IGF2BP3: variants seen among roughly 807,000 people sequenced by gnomAD.
The protein encoded by IGF2BP3 is insulin-like growth factor 2 mRNA-binding protein 3.
IGF2BP3 carries 9 observed loss-of-function variants against 73.8 expected under a neutral mutation model. That is an observed-to-expected ratio of 0.12 (90% CI 0.07 to 0.21). IGF2BP3 has a LOEUF of 0.21. IGF2BP3 is among the 10% of genes least tolerant of loss of function. IGF2BP3 has a pLI of 1.00. For synonymous variants in IGF2BP3, 258 were observed against 256.7 expected, an observed-to-expected ratio of 1.01 and a Z score of -0.05; for missense variants, 542 against 714.0, an observed-to-expected ratio of 0.76 and a Z score of 2.75.
chr7:23,459,486 A>G (rs985324178), intron 2 of IGF2BP3, among the ~76,000 whole-genome samples: 1 of 152,198 alleles, frequency 6.6e-6, no homozygotes, highest in Non-Finnish European at 1.5e-5. Flanking sequence ...CGTTTTGGCC[A>G]ACAGTTTCAA....
intron 2 of IGF2BP3, among the ~76,000 whole-genome samples, chr7:23,460,787 TA>T (rs1788432968): frequency 6.6e-6 from 1 of 151,986 alleles, no homozygotes; most frequent in African/African-American, 2.4e-5. Flanking sequence ...CTGCCTCTAC[TA>T]AAAACTACAA....
At chr7:23,433,297 C>T (rs1303283016) in intron 2 of IGF2BP3, among the ~76,000 whole-genome samples, 1 of 152,074 alleles carries the variant, frequency 6.6e-6, no homozygotes. Context: ...TCTTAAGCTG[C>T]TCTGTCCAAT....
chr7:23,414,239 C>T (rs954838956), intron 3 of IGF2BP3: 3 of 152,152 alleles, frequency 2.0e-5, no homozygotes, highest in African/African-American at 7.2e-5. Context: ...GCTTTATCAT[C>T]ATCTAAAACT....
At chr7:23,462,418 G>C (rs1187755068) in intron 2 of IGF2BP3, among the ~76,000 whole-genome samples, 1 of 150,004 alleles carries the variant, frequency 6.7e-6, no homozygotes, top group African/African-American at 2.5e-5. Context: ...CTGGAGTGCA[G>C]TAGCGCGATC....
intron 2 of IGF2BP3, among the ~76,000 whole-genome samples, chr7:23,448,971 T>C (rs1169137670): frequency 1.3e-5 from 2 of 152,238 alleles, no homozygotes; most frequent in Non-Finnish European, 2.9e-5. Context: ...AGCAATCCTC[T>C]GGGCTGCAGT....
intron 2 of IGF2BP3, among the ~76,000 whole-genome samples, chr7:23,431,761 C>A (rs890823096): frequency 6.6e-6 from 1 of 152,140 alleles, no homozygotes; most frequent in Admixed American, 6.5e-5. Context: ...GATTCCAGGG[C>A]CCCAAAACAG....
rs111828897 is a variant in IGF2BP3 at position 23,318,395 on chromosome 7, C to CTT, written c.1321-684_1321-683dup. 4.9e-4 allele frequency among the ~76,000 whole-genome samples: 73 copies of CTT among 148,848 alleles called. No homozygotes were observed. In the Middle Eastern group the frequency reaches 0.01, roughly 21 times the overall value. ...GTGCCACCATGCCTGGCTAATTACA[C>CTT]TTTTTTTTTTGTAGAGATGGGGTCT... On this transcript the variant is annotated intron_variant, in intron 11 of 14. Transcript: ENST00000258729.
chr7:23,368,304 A>AAGAGAGAAAGAG (rs1224665487), intron 3 of IGF2BP3, among the ~76,000 whole-genome samples: 1 of 148,694 alleles, frequency 6.7e-6, no homozygotes, highest in Non-Finnish European at 1.5e-5. Context: ...CGAAGACAGA[A>AAGAGAGAAAGAG]AGAGAGAAAG....
intron 3 of IGF2BP3, among the ~76,000 whole-genome samples, chr7:23,389,836 A>G (rs1000542500): frequency 2.0e-5 from 3 of 151,486 alleles, no homozygotes; most frequent in African/African-American, 7.3e-5. Context: ...TGTAAAAAAA[A>G]AAAAAAAAAA....
intron 2 of IGF2BP3, among the ~76,000 whole-genome samples, chr7:23,449,554 C>CTTTTT (rs376571131): frequency 3.7e-4 from 40 of 106,926 alleles, no homozygotes; most frequent in East Asian, 5.6e-4. Context: ...TTTTCTTTTT[C>CTTTTT]TTTTTTTTTT....
intron 5 of IGF2BP3, among the ~76,000 whole-genome samples, chr7:23,352,914 G>GT (rs1414590308): frequency 6.6e-6 from 1 of 151,908 alleles, no homozygotes; most frequent in Non-Finnish European, 1.5e-5. Context: ...GTTTTCTGGG[G>GT]TTTTTTGTTT....
rs554095697 is a variant in IGF2BP3 at position 23,338,109 on chromosome 7, A to G, written c.1203+3955T>C. ...TAGAGTTAGAAGGGTAAAAACAGAC[A>G]TAACGGCAACATCCCACAGAGGTTT... On this transcript the variant is annotated intron_variant, in intron 10 of 14. Transcript: ENST00000258729. 2.6e-5 allele frequency among the ~76,000 whole-genome samples: 4 copies of G among 152,350 alleles called. No homozygotes were observed. The South Asian group carries it at 6.2e-4, about 24-fold the overall frequency.
intron 3 of IGF2BP3, among the ~76,000 whole-genome samples, chr7:23,363,111 T>C (rs747877733): frequency 3.3e-5 from 5 of 152,200 alleles, no homozygotes; most frequent in Non-Finnish European, 5.9e-5. Context: ...TGCCAGGAAA[T>C]AGAAAACAAA....
At chr7:23,315,773 A>G (rs943569566) in intron 12 of IGF2BP3, among the ~76,000 whole-genome samples, 1 of 152,238 alleles carries the variant, frequency 6.6e-6, no homozygotes, top group African/African-American at 2.4e-5. Flanking sequence ...ATTTGTAAGG[A>G]AAAATACGGG....
intron 2 of IGF2BP3, 52 bp downstream of exon 2, chr7:23,468,430 A>G: frequency 6.3e-7 from 1 of 1,581,528 alleles, no homozygotes. Context: ...GAGTCTCTCC[A>G]CCCAATAACG....
chr7:23,326,523 TCTGGAA>T (rs1479631600), intron 10 of IGF2BP3, among the ~76,000 whole-genome samples: 1 of 151,444 alleles, frequency 6.6e-6, no homozygotes, highest in African/African-American at 2.4e-5. Flanking sequence ...TCCTCAGGGA[TCTGGAA>T]CTAGAAATAC....
intron 2 of IGF2BP3, among the ~76,000 whole-genome samples, chr7:23,467,592 A>AAAAAC (rs1290476968): frequency 3.9e-5 from 6 of 152,232 alleles, no homozygotes; most frequent in Non-Finnish European, 8.8e-5. Context: ...GAAGGTTTTA[A>AAAAAC]AAAACAAAAC....
chr7:23,341,926 A>G, intron 10 of IGF2BP3, 138 bp downstream of exon 10: 1 of 956,784 alleles, frequency 1.0e-6, no homozygotes, highest in Non-Finnish European at 1.4e-6. Flanking sequence ...TGTCTACTCC[A>G]CAAAGGGCCA....
chr7:23,356,680 GA>G (rs1301651258), intron 5 of IGF2BP3, among the ~76,000 whole-genome samples: 25 of 152,070 alleles, frequency 1.6e-4, no homozygotes, highest in African/African-American at 5.8e-4. Context: ...ACCCATTATT[GA>G]AAAGTCATAA....
Sources: gnomAD v4.1 joint callset for allele counts (sites outside exome capture counted in the v4.1 genomes callset) on GRCh38, gnomAD v4.1.1 for gene constraint, MANE v1.5 for transcripts, NCBI Gene and HGNC (gene_info 2026-07-23, HGNC 2026-07-21) for gene names.